Variants in FRMPD4 observed in about 807,000 individuals in gnomAD.
FRMPD4 encodes FERM and PDZ domain containing 4, also known as FERM and PDZ domain-containing protein 4.
In FRMPD4, 22 loss-of-function variants were observed where a neutral mutation model predicts 94.1. The ratio of observed to expected loss-of-function variants is 0.23; its 90% CI spans 0.17 to 0.33. The LOEUF is 0.33. Among genes scored for constraint, FRMPD4 ranks in the 10% least tolerant of loss-of-function variants. The pLI is 1.00. For synonymous variants in FRMPD4, 631 were observed against 548.6 expected, an observed-to-expected ratio of 1.15 and a Z score of -2.10; for missense variants, 1,111 against 1,339.9, an observed-to-expected ratio of 0.83 and a Z score of 2.67.
intron 1 of FRMPD4, among the ~76,000 whole-genome samples, chrX:12,170,389 G>A (rs970310274): frequency 9.1e-6 from 1 of 110,457 alleles, no homozygotes; most frequent in African/African-American, 3.3e-5. Context: ...AAATCCAGTA[G>A]ATATGTGCAT....
intron 1 of FRMPD4, among the ~76,000 whole-genome samples, chrX:11,850,859 G>C (rs920720614): frequency 8.9e-6 from 1 of 111,895 alleles, no homozygotes; most frequent in Non-Finnish European, 1.9e-5. Flanking sequence ...AGTTCTGCAA[G>C]ATAAAAAGAG....
chrX:11,855,788 A>G (rs1233302204), intron 1 of FRMPD4, among the ~76,000 whole-genome samples: 2 of 111,736 alleles, frequency 1.8e-5, no homozygotes, highest in African/African-American at 6.5e-5. Flanking sequence ...AGTTTCTAGG[A>G]TGTTCCAAAC....
chrX:12,268,471 G>A (rs1399362415), intron 1 of FRMPD4, among the ~76,000 whole-genome samples: 1 of 112,060 alleles, frequency 8.9e-6, no homozygotes, highest in African/African-American at 3.2e-5. Context: ...CTCATGAATT[G>A]TTCCAGGTCA....
chrX:12,395,707 A>C (rs187932843), intron 1 of FRMPD4: 1 of 112,541 alleles, frequency 8.9e-6, no homozygotes, highest in Non-Finnish European at 1.9e-5. Flanking sequence ...CTTTGGAAGA[A>C]TACAATTTTT....
At chrX:12,141,770 A>C (rs1231579383) in intron 1 of FRMPD4, among the ~76,000 whole-genome samples, 1 of 111,872 alleles carries the variant, frequency 8.9e-6, no homozygotes, top group Non-Finnish European at 1.9e-5. Flanking sequence ...GTTTACATGC[A>C]GTTTTACTTC....
intron 3 of FRMPD4, among the ~76,000 whole-genome samples, chrX:11,945,847 A>G (rs773511631): frequency 1.8e-5 from 2 of 111,818 alleles, no homozygotes; most frequent in South Asian, 7.7e-4. Flanking sequence ...TCACACTTCA[A>G]CGTGAGATTT....
intron 5 of FRMPD4, among the ~76,000 whole-genome samples, chrX:12,679,494 T>C (rs755371374): frequency 9.0e-6 from 1 of 111,079 alleles, no homozygotes; most frequent in African/African-American, 3.3e-5. Flanking sequence ...GGGAATTTCA[T>C]TGGTCTCTTT....
At chrX:12,185,984 A>C (rs1186248461) in intron 1 of FRMPD4, among the ~76,000 whole-genome samples, 1 of 111,826 alleles carries the variant, frequency 8.9e-6, no homozygotes, top group Admixed American at 9.5e-5. Context: ...ATGAAAGACA[A>C]TTAAGTGATT....
chrX:12,218,566 A>G (rs1482414015), intron 1 of FRMPD4, among the ~76,000 whole-genome samples: 2 of 112,353 alleles, frequency 1.8e-5, no homozygotes, highest in Admixed American at 9.4e-5. Context: ...ATTTTTCTCT[A>G]CTTCTAGCAT....
chrX:12,177,861 C>T (rs1468446925), intron 1 of FRMPD4, among the ~76,000 whole-genome samples: 2 of 111,646 alleles, frequency 1.8e-5, no homozygotes, highest in Non-Finnish European at 3.8e-5. Flanking sequence ...GAAGAGACAC[C>T]GAATAATTCA....
chrX:12,685,374 T>A (rs1170518248), intron 6 of FRMPD4, among the ~76,000 whole-genome samples: 1 of 111,608 alleles, frequency 9.0e-6, no homozygotes, highest in Admixed American at 9.5e-5. Context: ...TTCTCTCTCA[T>A]CTCTCACTAC....
intron 1 of FRMPD4, among the ~76,000 whole-genome samples, chrX:12,165,367 C>G (rs1010114316): frequency 9.0e-6 from 1 of 111,483 alleles, no homozygotes; most frequent in Non-Finnish European, 1.9e-5. Flanking sequence ...TGTAGACATG[C>G]GGCATTATTT....
chrX:12,474,285 A>G (rs1262302437), intron 1 of FRMPD4, among the ~76,000 whole-genome samples: 1 of 111,329 alleles, frequency 9.0e-6, no homozygotes, highest in Non-Finnish European at 1.9e-5. Context: ...ACAACCTACC[A>G]GAATCTCTGG....
chrX:12,006,891 A>G (rs2054556833), intron 3 of FRMPD4, among the ~76,000 whole-genome samples: 1 of 111,796 alleles, frequency 8.9e-6, no homozygotes, highest in Non-Finnish European at 1.9e-5. Context: ...TGGTGAGATG[A>G]TGGAGGAGGA....
chrX:12,529,852 G>A (rs2058265888), intron 2 of FRMPD4, among the ~76,000 whole-genome samples: 1 of 104,457 alleles, frequency 9.6e-6, no homozygotes, highest in Non-Finnish European at 2.0e-5. Context: ...AGTGTCAGCT[G>A]AAGGCCCATT....
intron 1 of FRMPD4, among the ~76,000 whole-genome samples, chrX:12,391,566 T>C (rs2056475341): frequency 8.9e-6 from 1 of 111,871 alleles, no homozygotes; most frequent in South Asian, 3.8e-4. Flanking sequence ...CTGGTCCTCA[T>C]TTTAGAAATG....
chrX:12,507,236 C>T (rs754045624), intron 2 of FRMPD4, among the ~76,000 whole-genome samples: 1 of 112,356 alleles, frequency 8.9e-6, no homozygotes, highest in African/African-American at 3.2e-5. Context: ...AAATACTTTT[C>T]TTCCCCCACC....
intron 3 of FRMPD4, among the ~76,000 whole-genome samples, chrX:12,067,153 A>G (rs1031802744): frequency 1.3e-4 from 14 of 110,208 alleles, no homozygotes; most frequent in Non-Finnish European, 2.5e-4. Context: ...TACAGGCGTG[A>G]GCCACCAAGC....
chrX:12,111,939 A>G (rs1194775114), intron 3 of FRMPD4, among the ~76,000 whole-genome samples: 2 of 111,508 alleles, frequency 1.8e-5, no homozygotes, highest in African/African-American at 6.5e-5. Context: ...GAGGATGTGG[A>G]GAAATAGGAA....
Sources: gnomAD v4.1 joint callset for allele counts (sites outside exome capture counted in the v4.1 genomes callset) on GRCh38, gnomAD v4.1.1 for gene constraint, MANE v1.5 for transcripts, NCBI Gene and HGNC (gene_info 2026-07-23, HGNC 2026-07-21) for gene names.